The following ATP2C2 variants were observed in gnomAD, a reference collection of about 807,000 sequenced individuals.
ATP2C2 encodes ATPase secretory pathway Ca2+ transporting 2, also known as calcium-transporting ATPase type 2C member 2.
Under a neutral mutation model 110.8 loss-of-function variants are expected in ATP2C2, and 171 were observed. The observed-to-expected ratio is 1.54, with a 90% CI of 1.36 to 1.75. The LOEUF is 1.75. Among genes scored for constraint, ATP2C2 ranks in the 40% most tolerant of loss-of-function variants. The pLI is 0.00. For missense variants in ATP2C2, 1,963 were observed against 1,235.0 expected (o/e 1.59, Z -8.84); for synonymous variants, 804 against 508.4 (o/e 1.58, Z -7.82).
chr16:84,408,468 T>C lies in ATP2C2; in HGVS notation c.391T>C (p.Tyr131His), dbSNP rs1388766901. ...SALVSVLTKE[Y>H]EDAVSIATAV... ...CCTGGTGAGTGTCCTCACCAAGGAGTATGAGGACGCCGTCAGCATCGCCAC... is the reference window on the plus strand; with the variant it reads ...CCTGGTGAGTGTCCTCACCAAGGAGCATGAGGACGCCGTCAGCATCGCCAC... Residue 131 changes from tyrosine (Y) to histidine (H), a missense_variant, in exon 4 of 27, where the codon TAT becomes CAT. Coordinates refer to ENST00000262429, the MANE Select transcript of ATP2C2 (RefSeq NM_014861.4). 1.2e-6 allele frequency: 2 copies of C among 1,613,014 alleles called. No homozygotes were observed.
chr16:84,380,702 C>T (rs1042946162), intron 1 of ATP2C2, among the ~76,000 whole-genome samples: 9 of 152,134 alleles, frequency 5.9e-5, no homozygotes, highest in Non-Finnish European at 1.0e-4. Context: ...TGTGAGACCT[C>T]GGGCAAACTT....
In ATP2C2 at chr16:84,441,034, C is replaced by T. The variant is rs142845022; in HGVS notation, c.1311+76C>T. The T allele has an allele frequency of 9.4e-4, 1,174 of 1,251,582 alleles. 11 individuals carry two copies. In the African/African-American group the frequency reaches 0.015, roughly 16 times the overall value. The allele number at this position is 1,251,582 out of a possible 1,614,324, so 77.5% of individuals were successfully genotyped here. A position where few individuals can be genotyped will look rare whatever the true frequency, so the allele number is the denominator to read the frequency against. ...TGGGGCTCCTCTCTGAAAAGGGAAA[C>T]AGCCATTGAACCTACTGGTTCTTGA... is the stretch of plus-strand genomic sequence containing the variant. On this transcript the variant is annotated intron_variant, in intron 14 of 26. Coordinates refer to ENST00000262429, the MANE Select transcript of ATP2C2 (RefSeq NM_014861.4).
At position 84,448,563 on chromosome 16, in the gene ATP2C2, G is replaced by A. The variant is rs1909971027; in HGVS notation, c.1534G>A (p.Ala512Thr). Residue 512 changes from alanine (A) to threonine (T), a missense_variant, in exon 17 of 27, where the codon GCC becomes ACC. Transcript: ENST00000262429. ...GGAAGACATTTACTTCATGAAAGGG[G>A]CCTTGGAAGAGGTGATCCGCTACTG... Reference protein sequence around the residue: ...DQEDIYFMKGALEEVIRYCTM... With the variant: ...DQEDIYFMKGTLEEVIRYCTM... 4 of 1,613,194 alleles carry A rather than the reference G, an allele frequency of 2.5e-6. No individual in the cohort carries two copies. The highest frequency in any genetic ancestry group is 2.2e-5 in the South Asian group (2 of 90,972).
chr16:84,390,621 T>C (rs1317700193), intron 1 of ATP2C2, among the ~76,000 whole-genome samples: 2 of 152,124 alleles, frequency 1.3e-5, no homozygotes, highest in Non-Finnish European at 2.9e-5. Context: ...TTCCGGAGGC[T>C]GGAAAGGGCG....
At chr16:84,375,788 T>G (rs1910215241) in intron 1 of ATP2C2, among the ~76,000 whole-genome samples, 1 of 152,218 alleles carries the variant, frequency 6.6e-6, no homozygotes, top group South Asian at 2.1e-4. Flanking sequence ...GATGACAAAT[T>G]TTCTTCTTTG....
intron 1 of ATP2C2, among the ~76,000 whole-genome samples, chr16:84,386,830 G>C (rs1024793299): frequency 2.0e-5 from 3 of 152,174 alleles, no homozygotes; most frequent in African/African-American, 7.2e-5. Context: ...CACAGCGTAG[G>C]TGGGGGTAGC....
chr16:84,449,442 C>G (rs1452965586), intron 17 of ATP2C2, among the ~76,000 whole-genome samples: 1 of 152,236 alleles, frequency 6.6e-6, no homozygotes, highest in Non-Finnish European at 1.5e-5. Context: ...TTGTGTTGCG[C>G]TGGGTCTACA....
intron 1 of ATP2C2, among the ~76,000 whole-genome samples, chr16:84,385,021 C>A (rs1297453450): frequency 6.6e-6 from 1 of 152,130 alleles, no homozygotes; most frequent in African/African-American, 2.4e-5. Flanking sequence ...TGCACTCCAG[C>A]CTAGGTGACA....
At position 84,398,512 on chromosome 16, in the gene ATP2C2, G is replaced by A. The variant is rs202035523; in HGVS notation, c.113G>A (p.Ser38Asn). The part of the protein sequence containing the change: ...DEEEALIDEQ[S>N]ELKAIEKEKK... ...CTCTTTTCACAGATTGATGAACAGA[G>A]TGAGCTGAAAGCCATCGAGAAAGAG... Residue 38 changes from serine (S) to asparagine (N), a missense_variant, in exon 2 of 27, where the codon AGT becomes AAT. Transcript: ENST00000262429. 23 of 1,611,390 alleles carry A rather than the reference G, an allele frequency of 1.4e-5. No homozygotes were observed. The East Asian group carries it at 3.6e-4, about 25-fold the overall frequency.
intron 6 of ATP2C2, 97 bp from the exon 7 acceptor site, chr16:84,415,386 G>A (rs1279971354): frequency 3.9e-6 from 4 of 1,035,568 alleles, no homozygotes; most frequent in Non-Finnish European, 6.1e-6. Flanking sequence ...TATTAAAAGA[G>A]AAAAGTGTGT....
At position 84,461,727 on chromosome 16, in the gene ATP2C2, G is replaced by C; in HGVS notation, c.2495G>C (p.Arg832Thr). ...FIFWKEMPEDRASTPRTTTMT... is the reference protein window; with the variant it reads ...FIFWKEMPEDTASTPRTTTMT... ...CTCACCTTCCAGATGCCTGAAGACA[G>C]AGCAAGCACTCCCCGCACCACGACG... Residue 832 changes from arginine (R) to threonine (T), a missense_variant, in exon 25 of 27, where the codon AGA becomes ACA. By Grantham distance (71) the Arg-to-Thr change is moderately conservative. Transcript: ENST00000262429. 4 of 1,614,156 alleles carry C rather than the reference G, an allele frequency of 2.5e-6. No homozygotes were observed. The highest frequency in any genetic ancestry group is 3.4e-6 in the Non-Finnish European group (4 of 1,180,006).
Position 84,407,938 on chromosome 16 carries a change from G to A in ATP2C2, c.328-467G>A, listed in dbSNP as rs142825921. Among the ~76,000 whole-genome samples, 17 of 152,352 alleles carry A rather than the reference G, an allele frequency of 1.1e-4. No individual in the cohort carries two copies. The East Asian group carries it at 3.3e-3, about 29-fold the overall frequency. ...AATAAAGTAAAAATCTTCTCAGGAA[G>A]TTTTGGGAACGGCTGTTTTAGAGAG... On this transcript the variant is annotated intron_variant, in intron 3 of 26. Coordinates refer to ENST00000262429, the MANE Select transcript of ATP2C2 (RefSeq NM_014861.4).
intron 21 of ATP2C2, 40 bp downstream of exon 21, chr16:84,455,024 C>A: frequency 1.9e-6 from 3 of 1,598,050 alleles, no homozygotes; most frequent in Non-Finnish European, 2.6e-6. Flanking sequence ...TGCAAAAATG[C>A]CTGGGGTCAC....
At chr16:84,442,417 C>A in intron 14 of ATP2C2, 93 bp from the exon 15 acceptor site, 1 of 1,208,868 alleles carries the variant, frequency 8.3e-7, no homozygotes, top group Non-Finnish European at 1.2e-6. Context: ...CTTGTCCCCA[C>A]AACCCCAGCT....
intron 3 of ATP2C2, chr16:84,407,064 C>T (rs1212188020): frequency 6.6e-6 from 1 of 152,274 alleles, no homozygotes; most frequent in Non-Finnish European, 1.5e-5. Flanking sequence ...ACGGGAGCTC[C>T]TGACGGCTGG....
intron 11 of ATP2C2, among the ~76,000 whole-genome samples, chr16:84,434,047 C>T (rs1908523247): frequency 6.6e-6 from 1 of 152,168 alleles, no homozygotes; most frequent in South Asian, 2.1e-4. Context: ...GTGGAGATGG[C>T]AGCTTAGCCA....
chr16:84,393,879 G>C (rs1300222791), intron 1 of ATP2C2, among the ~76,000 whole-genome samples: 1 of 151,942 alleles, frequency 6.6e-6, no homozygotes, highest in Non-Finnish European at 1.5e-5. Context: ...AAAAAGGCTA[G>C]GCATGGTGGC....
chr16:84,403,309 C>T (rs1457047933), intron 2 of ATP2C2, among the ~76,000 whole-genome samples: 1 of 152,010 alleles, frequency 6.6e-6, no homozygotes, highest in African/African-American at 2.4e-5. Flanking sequence ...CCATCTTAAC[C>T]TTGTTATTTT....
rs959660273 is a variant in ATP2C2 at position 84,440,748 on chromosome 16, G to T, written c.1210-109G>T. The T allele has an allele frequency of 1.1e-5, 9 of 794,220 alleles. No homozygotes were observed. In the East Asian group the frequency reaches 1.8e-4, roughly 16 times the overall value. 49.2% of individuals were successfully genotyped at this position (794,220 alleles called of 1,614,324 possible). ...TCTTCATACTGAAAGCCCTGTCCAC[G>T]TTTAGGATTGTGTCCCTGGAATGGA... On this transcript the variant is annotated intron_variant, in intron 13 of 26. Transcript: ENST00000262429.
Sources: allele counts gnomAD v4.1 joint callset (sites outside exome capture counted in the v4.1 genomes callset), GRCh38; gene constraint gnomAD v4.1.1; transcripts MANE v1.5; gene names NCBI Gene and HGNC (gene_info 2026-07-23, HGNC 2026-07-21).